The following MEOX1 variants were observed in gnomAD, a reference collection of about 807,000 sequenced individuals.
MEOX1 encodes mesenchyme homeobox 1.
A neutral mutation model predicts 23.2 loss-of-function variants in MEOX1; 17 were observed. That is an observed-to-expected ratio of 0.73 (90% CI 0.50 to 1.10). The LOEUF is 1.10. Ranked by LOEUF, MEOX1 falls within the 50% of genes least tolerant of loss-of-function variation. The probability of loss-of-function intolerance (pLI) is 0.00; values close to 1 mark genes in which losing one functional copy is unlikely to be tolerated. For synonymous variants in MEOX1, 134 were observed against 135.1 expected, an observed-to-expected ratio of 0.99 and a Z score of 0.06; for missense variants, 333 against 332.2, an observed-to-expected ratio of 1.00 and a Z score of -0.02.
chr17:43,655,650 C>T (rs1272162242), intron 1 of MEOX1, among the ~76,000 whole-genome samples: 5 of 134,914 alleles, frequency 3.7e-5, no homozygotes, highest in African/African-American at 5.4e-5. Flanking sequence ...ATAGCAAGAC[C>T]CTGTCTTTCT....
At chr17:43,652,828 T>A (rs76916938) in intron 1 of MEOX1, among the ~76,000 whole-genome samples, 10,488 of 94,624 alleles carry the variant, frequency 0.11, 526 homozygotes, top group African/African-American at 0.18. Flanking sequence ...ACTATTGCTT[T>A]TTTTTTTTTT....
intron 2 of MEOX1, 135 bp from the exon 3 acceptor site, chr17:43,642,167 C>G: frequency 1.7e-5 from 15 of 897,772 alleles, no homozygotes; most frequent in Non-Finnish European, 2.5e-5. Context: ...CCTACTCCCT[C>G]AAAGGCCCCA....
chr17:43,651,482 G>GT (rs753411102), intron 1 of MEOX1, among the ~76,000 whole-genome samples: 1 of 152,192 alleles, frequency 6.6e-6, no homozygotes, highest in South Asian at 2.1e-4. Flanking sequence ...ACCAAAGGAA[G>GT]TGTGGGCTTG....
chr17:43,651,670 A>C (rs1030130007), intron 1 of MEOX1, among the ~76,000 whole-genome samples: 1 of 152,214 alleles, frequency 6.6e-6, no homozygotes, highest in African/African-American at 2.4e-5. Flanking sequence ...CCAGCTCTGG[A>C]GGTCTGCAGG....
chr17:43,657,018 C>CTTTCTTTCT (rs1362511035), intron 1 of MEOX1, among the ~76,000 whole-genome samples: 1 of 120,202 alleles, frequency 8.3e-6, no homozygotes, highest in African/African-American at 3.0e-5. Context: ...CTTTCTCTTT[C>CTTTCTTTCT]TTTCTTTCTT....
At chr17:43,652,849 T>G (rs1972943936) in intron 1 of MEOX1, among the ~76,000 whole-genome samples, 1 of 110,052 alleles carries the variant, frequency 9.1e-6, no homozygotes. Context: ...TTTTTTTTTT[T>G]GAGACGGAGT....
chr17:43,647,098 C>T (rs1277712067), intron 1 of MEOX1, among the ~76,000 whole-genome samples: 2 of 152,246 alleles, frequency 1.3e-5, no homozygotes, highest in Non-Finnish European at 2.9e-5. Flanking sequence ...TTGAAGGTTT[C>T]TGTGTGTGCC....
chr17:43,655,173 T>G (rs888366859), intron 1 of MEOX1, among the ~76,000 whole-genome samples: 4 of 151,610 alleles, frequency 2.6e-5, no homozygotes, highest in African/African-American at 9.7e-5. Flanking sequence ...AACAGATGAA[T>G]GGATAAAGAA....
Position 43,655,660 on chromosome 17 carries a change from TAAAAAAAAAAAA to T in MEOX1, c.469+5394_469+5405del, listed in dbSNP as rs57762377. On this transcript the variant is annotated intron_variant, in intron 1 of 2. Coordinates refer to ENST00000318579, the MANE Select transcript of MEOX1 (RefSeq NM_004527.4). The stretch of plus-strand genomic sequence containing the variant: ...GCAGCATAGCAAGACCCTGTCTTTC[TAAAAAAAAAAAA>T]AAAAAAAAAAAAAAGAAGAAAATCC... Among the ~76,000 whole-genome samples, 632 of 75,630 alleles carry T rather than the reference TAAAAAAAAAAAA, an allele frequency of 8.4e-3. 3 individuals carry two copies. The highest frequency in any genetic ancestry group is 0.057 in the Middle Eastern group (9 of 158). The allele number at this position is 75,630 out of a possible 152,430, so 49.6% of individuals were successfully genotyped here. A position where few individuals can be genotyped will look rare whatever the true frequency, so the allele number is the denominator to read the frequency against.
At chr17:43,644,777 G>A (rs538415123) in intron 1 of MEOX1, among the ~76,000 whole-genome samples, 3 of 152,292 alleles carry the variant, frequency 2.0e-5, no homozygotes, top group South Asian at 2.1e-4. Context: ...TTAGCTGGGC[G>A]CGGTGGCACG....
At chr17:43,659,425 C>A (rs1973100071) in intron 1 of MEOX1, among the ~76,000 whole-genome samples, 1 of 152,112 alleles carries the variant, frequency 6.6e-6, no homozygotes, top group South Asian at 2.1e-4. Flanking sequence ...TCCTATCTCC[C>A]ATTGAAGAAG....
intron 1 of MEOX1, among the ~76,000 whole-genome samples, chr17:43,651,344 CTT>C (rs1433539148): frequency 6.6e-6 from 1 of 152,058 alleles, no homozygotes; most frequent in Non-Finnish European, 1.5e-5. Context: ...GTGCTATAGT[CTT>C]TGCTGAGAGT....
intron 1 of MEOX1, among the ~76,000 whole-genome samples, chr17:43,656,879 G>A (rs1401545635): frequency 6.6e-6 from 1 of 152,176 alleles, no homozygotes; most frequent in Non-Finnish European, 1.5e-5. Context: ...CATTGGCCTG[G>A]GGCTGGGAGT....
At chr17:43,648,457 A>G (rs1490603999) in intron 1 of MEOX1, among the ~76,000 whole-genome samples, 2 of 139,564 alleles carry the variant, frequency 1.4e-5, no homozygotes, top group Non-Finnish European at 3.1e-5. Flanking sequence ...ACAGAGAAAG[A>G]CTCTGTCTCA....
At chr17:43,647,610 A>G (rs1354859362) in intron 1 of MEOX1, among the ~76,000 whole-genome samples, 1 of 151,464 alleles carries the variant, frequency 6.6e-6, no homozygotes, top group Non-Finnish European at 1.5e-5. Context: ...ACCCACATCT[A>G]CCCTCCTCCA....
intron 1 of MEOX1, among the ~76,000 whole-genome samples, chr17:43,649,891 C>T (rs1972885321): frequency 6.6e-6 from 1 of 152,162 alleles, no homozygotes; most frequent in Non-Finnish European, 1.5e-5. Context: ...CATGTGATTG[C>T]GGTTTCCACC....
chr17:43,650,300 G>T (rs1315054667), intron 1 of MEOX1, among the ~76,000 whole-genome samples: 1 of 152,152 alleles, frequency 6.6e-6, no homozygotes. Flanking sequence ...CTCCTGTAAG[G>T]ACACACGGCA....
Position 43,661,221 on chromosome 17 carries a change from G to A in MEOX1, c.314C>T (p.Pro105Leu). ...HFPVSDARRR[P>L]NSGPAGGSKE... ...GGAACCCCCTGCCGGGCCTGAGTTG[G>A]GCCTGCGCCGGGCGTCTGAGACAGG... Residue 105 changes from proline to leucine, a missense_variant, in exon 1 of 3, where the codon CCC (proline) becomes CTC (leucine). By Grantham distance (98) the Pro-to-Leu change is moderately conservative (BLOSUM62 -3). Transcript: ENST00000318579. 6.2e-7 allele frequency: 1 copy of A among 1,609,374 alleles called. No individual in the cohort carries two copies. The highest frequency in any genetic ancestry group is 1.1e-5 in the South Asian group (1 of 90,156).
intron 1 of MEOX1, among the ~76,000 whole-genome samples, chr17:43,654,986 A>G (rs1972988538): frequency 6.6e-6 from 1 of 152,058 alleles, no homozygotes; most frequent in African/African-American, 2.4e-5. Flanking sequence ...CGGGAGGCGG[A>G]GCTTGCAGTG....
Sources: allele counts gnomAD v4.1 joint callset (sites outside exome capture counted in the v4.1 genomes callset), GRCh38; gene constraint gnomAD v4.1.1; transcripts MANE v1.5; gene names NCBI Gene and HGNC (gene_info 2026-07-23, HGNC 2026-07-21).